The following DSCAM variants were observed in gnomAD, a reference collection of about 807,000 sequenced individuals.
The protein encoded by DSCAM is DS cell adhesion molecule.
In DSCAM, 47 loss-of-function variants were observed where a neutral mutation model predicts 217.7. The observed-to-expected ratio is 0.22, with a 90% CI of 0.17 to 0.28. The LOEUF is 0.28. DSCAM is among the 10% of genes least tolerant of loss of function. The pLI, the probability that DSCAM is intolerant of heterozygous loss-of-function variation, is 1.00. For synonymous variants in DSCAM, 1,056 were observed against 1,015.3 expected, an observed-to-expected ratio of 1.04 and a Z score of -0.76; for missense variants, 2,080 against 2,618.3, an observed-to-expected ratio of 0.79 and a Z score of 4.49.
In DSCAM at chr21:40,314,654, T is replaced by C. The variant is rs538697448; in HGVS notation, c.1784-2295A>G. On this transcript the variant is annotated intron_variant, in intron 8 of 32. Transcript: ENST00000400454. ...TGCTTTATTAAAGAAAATAATTACATTTCCTCCCCTTTGATTTCCTGGACA... is the reference window on the plus strand; with the variant it reads ...TGCTTTATTAAAGAAAATAATTACACTTCCTCCCCTTTGATTTCCTGGACA... Among the ~76,000 whole-genome samples the C allele has an allele frequency of 1.9e-4, 29 of 152,322 alleles. 1 individual carries two copies. The South Asian group carries it at 5.4e-3, about 28-fold the overall frequency.
At chr21:40,156,968 G>T (rs2090485307) in intron 16 of DSCAM, among the ~76,000 whole-genome samples, 1 of 152,108 alleles carries the variant, frequency 6.6e-6, no homozygotes, top group South Asian at 2.1e-4. Flanking sequence ...CCTCTCGAGA[G>T]ATCATCTCAA....
chr21:40,710,702 A>G (rs1457367443), intron 1 of DSCAM, among the ~76,000 whole-genome samples: 1 of 152,208 alleles, frequency 6.6e-6, no homozygotes, highest in Non-Finnish European at 1.5e-5. Flanking sequence ...GTGAAGAAAT[A>G]AAACGTGACT....
At chr21:40,544,177 A>G (rs1326829465) in intron 3 of DSCAM, among the ~76,000 whole-genome samples, 1 of 152,190 alleles carries the variant, frequency 6.6e-6, no homozygotes, top group Non-Finnish European at 1.5e-5. Flanking sequence ...ATAACTCACC[A>G]TGCAGGGTTC....
chr21:40,050,514 G>A (rs965335533), intron 30 of DSCAM, among the ~76,000 whole-genome samples: 2 of 150,502 alleles, frequency 1.3e-5, no homozygotes, highest in Admixed American at 6.6e-5. Flanking sequence ...ACAGAGTCTC[G>A]CTCTGTCGTC....
intron 3 of DSCAM, among the ~76,000 whole-genome samples, chr21:40,568,159 T>C (rs1049704170): frequency 6.6e-6 from 1 of 152,196 alleles, no homozygotes; most frequent in African/African-American, 2.4e-5. Context: ...ACCCCCTTCT[T>C]CCTGTATCAA....
chr21:40,312,004 T>C, intron 9 of DSCAM, 77 bp downstream of exon 9: 1 of 1,001,122 alleles, frequency 1.0e-6, no homozygotes, highest in Non-Finnish European at 1.3e-6. Flanking sequence ...ATTTTCGAAA[T>C]ATTTCAAGCC....
chr21:40,111,870 C>G (rs2089903446), intron 20 of DSCAM, among the ~76,000 whole-genome samples: 1 of 151,960 alleles, frequency 6.6e-6, no homozygotes, highest in African/African-American at 2.4e-5. Flanking sequence ...AGCTAACTAT[C>G]CTAAATATAT....
At position 40,256,424 on chromosome 21, in the gene DSCAM, CAG is replaced by C. The variant is rs371266280; in HGVS notation, c.2356+19671_2356+19672del. Among the ~76,000 whole-genome samples, 7 of 143,100 alleles carry C rather than the reference CAG, an allele frequency of 4.9e-5. 1 individual carries two copies. Among genetic ancestry groups the C allele is most frequent in the African/African-American group, 5.7e-5 (2 of 35,062 alleles). The allele number at this position is 143,100 out of a possible 152,430, so 93.9% of individuals were successfully genotyped here. ...ACAGACAGAGAGAGAGAGAGAGAGACAGAGAGAGAGAGAGACACACACAGACA... is the reference window on the plus strand; with the variant it reads ...ACAGACAGAGAGAGAGAGAGAGAGACAGAGAGAGAGAGACACACACAGACA... On this transcript the variant is annotated intron_variant, in intron 11 of 32. Coordinates refer to ENST00000400454, the MANE Select transcript of DSCAM (RefSeq NM_001389.5).
intron 3 of DSCAM, among the ~76,000 whole-genome samples, chr21:40,538,045 A>G (rs2076513137): frequency 2.0e-5 from 3 of 152,174 alleles, no homozygotes; most frequent in Non-Finnish European, 4.4e-5. Flanking sequence ...GCAGTGGAGC[A>G]AGAGAATGAG....
chr21:40,150,392 A>G (rs1171452492), intron 16 of DSCAM, among the ~76,000 whole-genome samples: 1 of 152,236 alleles, frequency 6.6e-6, no homozygotes, highest in Admixed American at 6.5e-5. Flanking sequence ...TTTATCAGGG[A>G]AAGTTTAAGT....
intron 20 of DSCAM, among the ~76,000 whole-genome samples, chr21:40,107,097 C>T (rs574068491): frequency 4.6e-5 from 7 of 152,098 alleles, no homozygotes; most frequent in East Asian, 3.9e-4. Context: ...AACTTTTTGA[C>T]GTGGGCATTT....
At chr21:40,319,360 C>G (rs762391485) in intron 8 of DSCAM, among the ~76,000 whole-genome samples, 8 of 152,122 alleles carry the variant, frequency 5.3e-5, no homozygotes, top group Non-Finnish European at 7.4e-5. Context: ...TCCTTAGTTT[C>G]AGAAAGTGTC....
chr21:40,022,704 G>C (rs531046693), intron 32 of DSCAM, among the ~76,000 whole-genome samples: 2 of 152,062 alleles, frequency 1.3e-5, no homozygotes, highest in Non-Finnish European at 2.9e-5. Flanking sequence ...CTCTGCTTCT[G>C]CCTCCAGGTA....
chr21:40,628,918 G>T (rs1568948182), intron 3 of DSCAM, among the ~76,000 whole-genome samples: 1 of 152,026 alleles, frequency 6.6e-6, no homozygotes, highest in Non-Finnish European at 1.5e-5. Context: ...GCTAATTTTT[G>T]TAATTTTTTT....
At chr21:40,684,977 T>C (rs13047833) in intron 3 of DSCAM, among the ~76,000 whole-genome samples, 10,167 of 152,212 alleles carry the variant, frequency 0.067, 416 homozygotes, top group East Asian at 0.12. Flanking sequence ...TGGCAGAATA[T>C]AAAATGAACT....
At chr21:40,544,916 CA>C (rs376609606) in intron 3 of DSCAM, among the ~76,000 whole-genome samples, 3,324 of 130,388 alleles carry the variant, frequency 0.025, 116 homozygotes, top group African/African-American at 0.078. Flanking sequence ...TAAAAGTTTC[CA>C]AAAAAAAAAA....
chr21:40,133,432 T>G (rs931960891), intron 19 of DSCAM, among the ~76,000 whole-genome samples: 9 of 152,158 alleles, frequency 5.9e-5, no homozygotes, highest in African/African-American at 2.2e-4. Flanking sequence ...CAAAGAATAA[T>G]AGAACTTCAG....
At chr21:40,617,181 T>C (rs1005137546) in intron 3 of DSCAM, among the ~76,000 whole-genome samples, 1 of 132,696 alleles carries the variant, frequency 7.5e-6, no homozygotes, top group Non-Finnish European at 1.6e-5. Flanking sequence ...TGGAGTGCAG[T>C]GGTGCAATCT....
intron 3 of DSCAM, among the ~76,000 whole-genome samples, chr21:40,594,865 A>C (rs2077009646): frequency 6.6e-6 from 1 of 152,168 alleles, no homozygotes; most frequent in African/African-American, 2.4e-5. Flanking sequence ...AGGGAACCCC[A>C]TATGCTAAAG....
Sources: gnomAD v4.1 joint callset for allele counts (sites outside exome capture counted in the v4.1 genomes callset) on GRCh38, gnomAD v4.1.1 for gene constraint, MANE v1.5 for transcripts, NCBI Gene and HGNC (gene_info 2026-07-23, HGNC 2026-07-21) for gene names.